The following NAALADL2 variants were observed in gnomAD, a reference collection of about 807,000 sequenced individuals.
The protein encoded by NAALADL2 is inactive N-acetylated-alpha-linked acidic dipeptidase-like protein 2.
NAALADL2 carries 76 observed loss-of-function variants against 87.2 expected under a neutral mutation model. That is an observed-to-expected ratio of 0.87 (90% confidence interval 0.72 to 1.05). The LOEUF (loss-of-function observed/expected upper bound fraction) is 1.05. Ranked by LOEUF, NAALADL2 falls within the 50% of genes least tolerant of loss-of-function variation. The pLI, the probability that NAALADL2 is intolerant of heterozygous loss-of-function variation, is 0.00. For synonymous variants in NAALADL2, 354 were observed against 331.0 expected (o/e 1.07, Z -0.75); for missense variants, 1,089 against 945.8 (o/e 1.15, Z -1.99).
chr3:174,448,646 C>A (rs1165179348), intron 1 of NAALADL2, among the ~76,000 whole-genome samples: 2 of 152,120 alleles, frequency 1.3e-5, no homozygotes, highest in East Asian at 1.9e-4. Context: ...AGGCTTTAAT[C>A]AGGTGCTGCA....
At chr3:174,578,587 A>G (rs530048477) in intron 2 of NAALADL2, among the ~76,000 whole-genome samples, 1 of 152,124 alleles carries the variant, frequency 6.6e-6, no homozygotes, top group African/African-American at 2.4e-5. Flanking sequence ...GAATTTTGGA[A>G]GGGTAGATTT....
intron 9 of NAALADL2, among the ~76,000 whole-genome samples, chr3:175,485,981 T>C (rs6762530): frequency 0.1 from 15,326 of 152,082 alleles, 926 homozygotes; most frequent in East Asian, 0.25. Context: ...ACAACAAAAC[T>C]CTAACCATGT....
At chr3:175,120,060 A>G (rs1725924968) in intron 2 of NAALADL2, among the ~76,000 whole-genome samples, 1 of 94,182 alleles carries the variant, frequency 1.1e-5, no homozygotes. Flanking sequence ...AAGGGAATGG[A>G]TTTTGATGGT....
chr3:175,565,621 T>C (rs1716979453), intron 9 of NAALADL2, among the ~76,000 whole-genome samples: 3 of 87,620 alleles, frequency 3.4e-5, no homozygotes, highest in Non-Finnish European at 7.3e-5. Flanking sequence ...ACCCTGTTTT[T>C]CCCTAATAAA....
At chr3:174,468,704 A>G (rs1213266566) in intron 1 of NAALADL2, among the ~76,000 whole-genome samples, 1 of 149,430 alleles carries the variant, frequency 6.7e-6, no homozygotes, top group Non-Finnish European at 1.5e-5. Context: ...ATATAAGGCT[A>G]AAATATACCC....
intron 1 of NAALADL2, among the ~76,000 whole-genome samples, chr3:174,881,664 C>A (rs1729214023): frequency 6.6e-6 from 1 of 152,084 alleles, no homozygotes; most frequent in South Asian, 2.1e-4. Context: ...ATGCGGGCAG[C>A]ATGTTTGAGT....
chr3:174,626,029 T>G (rs1473813987), intron 2 of NAALADL2, among the ~76,000 whole-genome samples: 4 of 151,948 alleles, frequency 2.6e-5, no homozygotes, highest in East Asian at 3.9e-4. Context: ...TTCATTTCAC[T>G]AATTCAAATA....
At position 175,753,135 on chromosome 3, in the gene NAALADL2, A is replaced by G. The variant is rs540319896; in HGVS notation, c.1991-2085A>G. Reference sequence around the variant, plus strand: ...TGAATCTGAAATGCACTTTGAAAACATCAAATGCCAAAACCTTGTGAACTC... The same window carrying G: ...TGAATCTGAAATGCACTTTGAAAACGTCAAATGCCAAAACCTTGTGAACTC... On this transcript the variant is annotated intron_variant, in intron 12 of 13. Coordinates refer to ENST00000454872, the MANE Select transcript of NAALADL2 (RefSeq NM_207015.3). 3.9e-5 allele frequency among the ~76,000 whole-genome samples: 6 copies of G among 152,312 alleles called. No individual in the cohort carries two copies. The South Asian group carries it at 1.2e-3, about 32-fold the overall frequency.
At chr3:175,582,878 G>T (rs1051283575) in intron 10 of NAALADL2, among the ~76,000 whole-genome samples, 3 of 152,154 alleles carry the variant, frequency 2.0e-5, no homozygotes, top group Non-Finnish European at 2.9e-5. Flanking sequence ...AATGATCAAA[G>T]ATTTCTGAAG....
In NAALADL2 at chr3:175,804,602, T is replaced by TGAGG. The variant is rs1754544213; in HGVS notation, c.*1399_*1400insGAGG. 6.6e-6 allele frequency: 1 copy of TGAGG among 151,836 alleles called. No homozygotes were observed. The highest frequency in any genetic ancestry group is 6.6e-5 in the Admixed American group (1 of 15,192). The allele number at this position is 151,836 out of a possible 1,614,324, so 9.4% of individuals were successfully genotyped here. A position where few individuals can be genotyped will look rare whatever the true frequency, so the allele number is the denominator to read the frequency against. On this transcript the variant is annotated 3_prime_UTR_variant, in exon 14 of 14. Coordinates refer to ENST00000454872, the MANE Select transcript of NAALADL2 (RefSeq NM_207015.3). ...CTCAGAGTATTTCATATAAATTTTC[T>TGAGG]CTATCTAATTCAAACATATCTCCCC...
intron 5 of NAALADL2, among the ~76,000 whole-genome samples, chr3:175,397,556 G>A (rs563895558): frequency 5.3e-5 from 8 of 152,118 alleles, no homozygotes; most frequent in Admixed American, 5.2e-4. Context: ...GTGACATCCA[G>A]TTATAATTCT....
intron 12 of NAALADL2, among the ~76,000 whole-genome samples, chr3:175,743,644 C>T (rs1055768218): frequency 4.6e-5 from 7 of 152,048 alleles, no homozygotes; most frequent in Non-Finnish European, 7.3e-5. Flanking sequence ...AGTGAGGTTA[C>T]GAAAGGAGTG....
chr3:174,454,042 T>G (rs1382774627), intron 1 of NAALADL2, among the ~76,000 whole-genome samples: 1 of 151,970 alleles, frequency 6.6e-6, no homozygotes, highest in Admixed American at 6.6e-5. Context: ...AGGCTTAAAA[T>G]AAAGGGATGG....
At chr3:174,502,264 C>T (rs1718944352) in intron 1 of NAALADL2, among the ~76,000 whole-genome samples, 1 of 152,136 alleles carries the variant, frequency 6.6e-6, no homozygotes, top group Non-Finnish European at 1.5e-5. Flanking sequence ...TTCAGGTTAA[C>T]CATGCTTAAA....
chr3:175,276,032 G>A (rs184113054), intron 4 of NAALADL2, among the ~76,000 whole-genome samples: 163 of 150,176 alleles, frequency 1.1e-3, no homozygotes, highest in Admixed American at 2.3e-3. Context: ...CAAAACTATA[G>A]CCACATGAAA....
intron 2 of NAALADL2, among the ~76,000 whole-genome samples, chr3:174,610,051 C>T (rs1719643731): frequency 1.3e-5 from 2 of 152,004 alleles, no homozygotes. Flanking sequence ...CTGAGAAAAA[C>T]AAGCAATGGG....
chr3:175,272,285 C>A lies in NAALADL2; in HGVS notation c.939+15755C>A, dbSNP rs1222574757. 2.6e-5 allele frequency among the ~76,000 whole-genome samples: 4 copies of A among 152,084 alleles called. No individual in the cohort carries two copies. The East Asian group carries it at 5.8e-4, about 22-fold the overall frequency. On this transcript the variant is annotated intron_variant, in intron 4 of 13. Coordinates refer to ENST00000454872, the MANE Select transcript of NAALADL2 (RefSeq NM_207015.3). ...AGAAATGCATCTGTCTAACAAGCATCTTTATTTAAAAGAAACAAAGAAAAT... is the reference window on the plus strand; with the variant it reads ...AGAAATGCATCTGTCTAACAAGCATATTTATTTAAAAGAAACAAAGAAAAT...
intron 5 of NAALADL2, among the ~76,000 whole-genome samples, chr3:175,329,836 G>A (rs1189171069): frequency 1.3e-5 from 2 of 152,114 alleles, no homozygotes; most frequent in Non-Finnish European, 2.9e-5. Flanking sequence ...AATTCAAACT[G>A]CTCCTTTCAA....
intron 3 of NAALADL2, among the ~76,000 whole-genome samples, chr3:174,853,357 A>G (rs961365197): frequency 6.8e-6 from 1 of 147,106 alleles, no homozygotes. Context: ...CAGCCTGGCA[A>G]CAGAGCGAGA....
Sources: gnomAD v4.1 joint callset for allele counts (sites outside exome capture counted in the v4.1 genomes callset) on GRCh38, gnomAD v4.1.1 for gene constraint, MANE v1.5 for transcripts, NCBI Gene and HGNC (gene_info 2026-07-23, HGNC 2026-07-21) for gene names.